GPC6: variants seen among roughly 807,000 people sequenced by gnomAD.
The protein encoded by GPC6 is glypican 6, also known as glypican-6.
A neutral mutation model predicts 55.2 loss-of-function variants in GPC6; 14 were observed. The ratio of observed to expected loss-of-function variants is 0.25; its 90% confidence interval spans 0.17 to 0.40. GPC6 has a LOEUF of 0.40. GPC6 is among the 10% of genes least tolerant of loss of function. The probability of loss-of-function intolerance (pLI) is 1.00; values close to 1 mark genes in which losing one functional copy is unlikely to be tolerated. For missense variants in GPC6, 641 were observed against 708.5 expected (o/e 0.90, Z 1.08); for synonymous variants, 278 against 259.6 (o/e 1.07, Z -0.68).
At chr13:93,232,690 G>A (rs1446249260) in intron 1 of GPC6, among the ~76,000 whole-genome samples, 1 of 152,076 alleles carries the variant, frequency 6.6e-6, no homozygotes, top group Non-Finnish European at 1.5e-5. Context: ...ATGGCATAAA[G>A]ATTGTGCCAT....
chr13:93,231,380 C>G (rs181818960), intron 1 of GPC6, among the ~76,000 whole-genome samples: 2 of 30,926 alleles, frequency 6.5e-5, no homozygotes, highest in African/African-American at 2.5e-4. Context: ...TATATATATA[C>G]ATATATATAT....
intron 2 of GPC6, among the ~76,000 whole-genome samples, chr13:93,779,436 G>A (rs1378154305): frequency 6.6e-6 from 1 of 152,082 alleles, no homozygotes; most frequent in Non-Finnish European, 1.5e-5. Flanking sequence ...TCCATATTGA[G>A]ACTACAGACA....
chr13:94,225,448 G>A (rs996052301), intron 4 of GPC6, among the ~76,000 whole-genome samples: 2 of 151,958 alleles, frequency 1.3e-5, no homozygotes, highest in Admixed American at 6.6e-5. Context: ...TCAAACTGAT[G>A]TCTTATCCTT....
At chr13:93,812,756 T>C (rs779741939) in intron 2 of GPC6, among the ~76,000 whole-genome samples, 1 of 152,234 alleles carries the variant, frequency 6.6e-6, no homozygotes, top group Non-Finnish European at 1.5e-5. Flanking sequence ...TTGGTAATTA[T>C]ATAGTGCTTA....
intron 4 of GPC6, among the ~76,000 whole-genome samples, chr13:94,203,938 A>G (rs1889828551): frequency 6.6e-6 from 1 of 152,122 alleles, no homozygotes; most frequent in South Asian, 2.1e-4. Flanking sequence ...ATCTGGAACC[A>G]GAGATGGGAT....
At chr13:93,635,152 T>A (rs1879639709) in intron 2 of GPC6, among the ~76,000 whole-genome samples, 1 of 152,096 alleles carries the variant, frequency 6.6e-6, no homozygotes, top group African/African-American at 2.4e-5. Context: ...TTTTTTTTTT[T>A]ACTTATCTAT....
At chr13:93,354,516 ATTATTT>A (rs1880769153) in intron 1 of GPC6, among the ~76,000 whole-genome samples, 1 of 98,008 alleles carries the variant, frequency 1.0e-5, no homozygotes, top group African/African-American at 4.7e-5. Context: ...ACACTCGGCT[ATTATTT>A]TTTTTTTTTT....
intron 2 of GPC6, among the ~76,000 whole-genome samples, chr13:93,767,970 A>G (rs1473425001): frequency 6.6e-6 from 1 of 152,142 alleles, no homozygotes; most frequent in African/African-American, 2.4e-5. Flanking sequence ...AGTTACAAGC[A>G]CTATGGAAAT....
chr13:93,805,562 T>A (rs904625943), intron 2 of GPC6, among the ~76,000 whole-genome samples: 8 of 152,248 alleles, frequency 5.3e-5, no homozygotes, highest in African/African-American at 1.7e-4. Context: ...AGGTTACTAC[T>A]TGAACTATGT....
intron 3 of GPC6, among the ~76,000 whole-genome samples, chr13:93,919,345 C>A (rs1594587729): frequency 6.6e-6 from 1 of 152,204 alleles, no homozygotes; most frequent in Non-Finnish European, 1.5e-5. Context: ...ACCTCTATGG[C>A]AATCCTAGCC....
intron 1 of GPC6, among the ~76,000 whole-genome samples, chr13:93,533,685 G>C (rs960749768): frequency 9.9e-5 from 15 of 152,018 alleles, no homozygotes; most frequent in African/African-American, 3.6e-4. Context: ...TGTAGGACAC[G>C]GGGTAGGAAA....
intron 6 of GPC6, among the ~76,000 whole-genome samples, chr13:94,375,346 A>G (rs1879792771): frequency 6.6e-6 from 1 of 152,228 alleles, no homozygotes; most frequent in Non-Finnish European, 1.5e-5. Context: ...AAGTAGACAC[A>G]ATAAAAAAAT....
chr13:94,097,425 T>G (rs868535000), intron 4 of GPC6, among the ~76,000 whole-genome samples: 1 of 143,120 alleles, frequency 7.0e-6, no homozygotes, highest in Non-Finnish European at 1.5e-5. Context: ...GAGAATGGCG[T>G]GAACCCGGGA....
chr13:94,258,978 T>C (rs902521259), intron 4 of GPC6, among the ~76,000 whole-genome samples: 1 of 151,818 alleles, frequency 6.6e-6, no homozygotes, highest in Admixed American at 6.6e-5. Context: ...TGGAAACCTT[T>C]CCCAGAAGCC....
intron 4 of GPC6, among the ~76,000 whole-genome samples, chr13:94,175,038 G>T (rs1221526314): frequency 6.6e-6 from 1 of 152,040 alleles, no homozygotes; most frequent in African/African-American, 2.4e-5. Context: ...CCACTCTTCA[G>T]ATTTCTAACA....
chr13:93,875,386 A>G (rs1889258880), intron 3 of GPC6, among the ~76,000 whole-genome samples: 1 of 151,964 alleles, frequency 6.6e-6, no homozygotes, highest in Admixed American at 6.6e-5. Context: ...AACCACCACA[A>G]TCTCCTTAAT....
chr13:93,765,310 T>TAAGCTGTCTGGAAAG (rs1361108806), intron 2 of GPC6, among the ~76,000 whole-genome samples: 1 of 38,418 alleles, frequency 2.6e-5, no homozygotes, highest in African/African-American at 1.1e-4. Context: ...AGACAACTTA[T>TAAGCTGTCTGGAAAG]TTGGTTTAAG....
At chr13:93,417,128 C>T (rs752106454) in intron 1 of GPC6, among the ~76,000 whole-genome samples, 1 of 152,046 alleles carries the variant, frequency 6.6e-6, no homozygotes, top group Admixed American at 6.6e-5. Context: ...ATGCCAGTTT[C>T]AATTTTACAA....
intron 1 of GPC6, among the ~76,000 whole-genome samples, chr13:93,530,067 T>A (rs1881806252): frequency 6.6e-6 from 1 of 152,206 alleles, no homozygotes; most frequent in Non-Finnish European, 1.5e-5. Flanking sequence ...CAGTTCGTAA[T>A]TACTAGTTTG....
Sources: gnomAD v4.1 joint callset for allele counts (sites outside exome capture counted in the v4.1 genomes callset) on GRCh38, gnomAD v4.1.1 for gene constraint, MANE v1.5 for transcripts, NCBI Gene and HGNC (gene_info 2026-07-23, HGNC 2026-07-21) for gene names.